TMX2: variants seen among roughly 807,000 people sequenced by gnomAD.
TMX2 encodes thioredoxin-related transmembrane protein 2.
TMX2 carries 20 observed loss-of-function variants against 33.4 expected under a neutral mutation model. That is an observed-to-expected ratio of 0.60 (90% CI 0.42 to 0.87). The LOEUF (loss-of-function observed/expected upper bound fraction) is 0.87. TMX2 is among the 40% of genes least tolerant of loss of function. The pLI is 0.00. For missense variants in TMX2, 340 were observed against 370.7 expected (o/e 0.92, Z 0.68); for synonymous variants, 166 against 140.7 (o/e 1.18, Z -1.27).
chr11:57,728,308 G>A (rs1465172148), intron 1 of TMX2, among the ~76,000 whole-genome samples: 1 of 152,196 alleles, frequency 6.6e-6, no homozygotes, highest in Admixed American at 6.5e-5. Context: ...GACTACAGGC[G>A]CCCGCCACCA....
intron 1 of TMX2, among the ~76,000 whole-genome samples, chr11:57,731,942 GA>G (rs958947172): frequency 9.2e-5 from 14 of 152,044 alleles, no homozygotes; most frequent in African/African-American, 3.4e-4. Flanking sequence ...TATAACAAGA[GA>G]AAAAGACTAT....
chr11:57,716,767 T>A (rs1947113620), intron 1 of TMX2, among the ~76,000 whole-genome samples: 1 of 141,894 alleles, frequency 7.0e-6, no homozygotes, highest in African/African-American at 2.7e-5. Context: ...GAGGGGCTCC[T>A]CACTTCCCAG....
intron 1 of TMX2, among the ~76,000 whole-genome samples, chr11:57,732,797 A>G (rs764939967): frequency 6.6e-6 from 1 of 151,940 alleles, no homozygotes; most frequent in Non-Finnish European, 1.5e-5. Context: ...ATCATTGGCC[A>G]TTGGTGATCA....
At chr11:57,726,338 G>A (rs12273110) in intron 1 of TMX2, among the ~76,000 whole-genome samples, 5,354 of 151,858 alleles carry the variant, frequency 0.035, 322 homozygotes, top group African/African-American at 0.12. Context: ...GCTTGAACCC[G>A]GGAGGCGGAG....
intron 1 of TMX2, among the ~76,000 whole-genome samples, chr11:57,715,975 T>C (rs1315975249): frequency 6.6e-6 from 1 of 152,190 alleles, no homozygotes; most frequent in Non-Finnish European, 1.5e-5. Context: ...GTTTCCCGTG[T>C]CTACTTCTTT....
intron 1 of TMX2, among the ~76,000 whole-genome samples, chr11:57,735,986 T>C (rs1215065002): frequency 1.2e-4 from 19 of 152,214 alleles, no homozygotes; most frequent in Admixed American, 1.2e-3. Context: ...GCAAGTCTTT[T>C]CAGAGGGCTG....
chr11:57,736,943 T>C (rs1401630737), intron 1 of TMX2, among the ~76,000 whole-genome samples: 3 of 152,066 alleles, frequency 2.0e-5, no homozygotes, highest in South Asian at 4.1e-4. Flanking sequence ...TGGGCTATTA[T>C]CAAGAAAACT....
chr11:57,723,947 T>C (rs1390750579), intron 1 of TMX2, among the ~76,000 whole-genome samples: 2 of 151,754 alleles, frequency 1.3e-5, no homozygotes, highest in East Asian at 3.8e-4. Context: ...CTGAGCCCTA[T>C]GGTTACCAAG....
At chr11:57,733,712 C>G (rs1441359594) in intron 1 of TMX2, among the ~76,000 whole-genome samples, 1 of 152,156 alleles carries the variant, frequency 6.6e-6, no homozygotes, top group Non-Finnish European at 1.5e-5. Context: ...CAATTATCCT[C>G]TCTTCTGTAT....
chr11:57,735,658 A>G (rs1948706143), intron 1 of TMX2, among the ~76,000 whole-genome samples: 1 of 152,194 alleles, frequency 6.6e-6, no homozygotes, highest in Non-Finnish European at 1.5e-5. Context: ...GTGGCCAAAT[A>G]TACATATTTA....
At chr11:57,730,008 G>A (rs1565225857) in intron 1 of TMX2, among the ~76,000 whole-genome samples, 6 of 151,088 alleles carry the variant, frequency 4.0e-5, no homozygotes. Flanking sequence ...TAAGACTGAG[G>A]CAGGAGTATC....
intron 1 of TMX2, among the ~76,000 whole-genome samples, chr11:57,723,083 C>A (rs557219295): frequency 1.6e-4 from 24 of 151,856 alleles, no homozygotes; most frequent in African/African-American, 5.6e-4. Flanking sequence ...TGCACTCCAC[C>A]CTGGAGGATA....
intron 1 of TMX2, among the ~76,000 whole-genome samples, chr11:57,716,771 T>A (rs1947114244): frequency 1.4e-5 from 2 of 138,678 alleles, no homozygotes; most frequent in African/African-American, 5.4e-5. Context: ...GGCTCCTCAC[T>A]TCCCAGTAGG....
At chr11:57,738,062 G>A (rs76405819) in intron 3 of TMX2, 36 bp downstream of exon 3, 1 of 1,319,826 alleles carries the variant, frequency 7.6e-7, no homozygotes, top group Non-Finnish European at 1.0e-6. Flanking sequence ...TTTTTTTTTT[G>A]TAAGACTGTG....
chr11:57,716,963 G>A (rs1434968165), intron 1 of TMX2, among the ~76,000 whole-genome samples: 2 of 149,138 alleles, frequency 1.3e-5, no homozygotes, highest in African/African-American at 5.0e-5. Context: ...GATGCTGGGC[G>A]GAGGGTCTCC....
At chr11:57,718,234 C>A (rs1947310726) in intron 1 of TMX2, 1 of 1,477,752 alleles carries the variant, frequency 6.8e-7, no homozygotes, top group African/African-American at 1.4e-5. Context: ...CCAGCAATTG[C>A]CATGGACAAG....
chr11:57,729,324 T>G (rs964820564), intron 1 of TMX2, among the ~76,000 whole-genome samples: 5 of 150,602 alleles, frequency 3.3e-5, no homozygotes, highest in African/African-American at 9.8e-5. Flanking sequence ...CTAGGTTCTG[T>G]TTTTTTTTCT....
Position 57,718,330 on chromosome 11 carries a change from G to C in TMX2, c.189+5523G>C, listed in dbSNP as rs552191115. On this transcript the variant is annotated intron_variant, in intron 1 of 7. Coordinates refer to ENST00000278422, the MANE Select transcript of TMX2 (RefSeq NM_015959.4). ...GACTTGCCACCAGTGCCATTATGGC[G>C]TGTGAAGTCACCACCTGATACATAA... is the stretch of plus-strand genomic sequence containing the variant. 47 of 1,554,352 alleles carry C rather than the reference G, an allele frequency of 3.0e-5. No homozygotes were observed. In the African/African-American group the frequency reaches 5.6e-4, roughly 18 times the overall value.
intron 7 of TMX2, among the ~76,000 whole-genome samples, chr11:57,739,681 C>T (rs1590982125): frequency 6.6e-6 from 1 of 151,730 alleles, no homozygotes; most frequent in Non-Finnish European, 1.5e-5. Context: ...CGCTTGAACC[C>T]GGGAGGTGGA....
Sources: gnomAD v4.1 joint callset for allele counts (sites outside exome capture counted in the v4.1 genomes callset) on GRCh38, gnomAD v4.1.1 for gene constraint, MANE v1.5 for transcripts, NCBI Gene and HGNC (gene_info 2026-07-23, HGNC 2026-07-21) for gene names.